Variants in ACADSB observed in about 807,000 individuals in gnomAD.
ACADSB encodes the protein short/branched chain specific acyl-CoA dehydrogenase, mitochondrial.
A neutral mutation model predicts 54.1 loss-of-function variants in ACADSB; 40 were observed. The observed-to-expected ratio is 0.74, with a 90% CI of 0.57 to 0.96. ACADSB has a LOEUF of 0.96. Ranked by LOEUF, ACADSB falls within the 40% of genes least tolerant of loss-of-function variation. The pLI, the probability that ACADSB is intolerant of heterozygous loss-of-function variation, is 0.00. For missense variants in ACADSB, 530 were observed against 510.4 expected (o/e 1.04, Z -0.37); for synonymous variants, 182 against 182.8 (o/e 1.00, Z 0.03).
chr10:123,041,756 G>C (rs899786173), intron 5 of ACADSB, among the ~76,000 whole-genome samples: 1 of 152,138 alleles, frequency 6.6e-6, no homozygotes, highest in Non-Finnish European at 1.5e-5. Context: ...AGATAATCTA[G>C]AGATGATTTA....
intron 1 of ACADSB, among the ~76,000 whole-genome samples, chr10:123,013,253 C>T (rs531300257): frequency 1.3e-5 from 2 of 152,302 alleles, no homozygotes; most frequent in East Asian, 3.9e-4. Context: ...CAAGTCACCA[C>T]CAGATTAGCT....
chr10:123,058,262 G>C lies in ACADSB; in HGVS notation c.*4497G>C, dbSNP rs1850732946. 1 of 152,024 alleles carries C rather than the reference G, an allele frequency of 6.6e-6. No individual in the cohort carries two copies. The highest frequency in any genetic ancestry group is 1.5e-5 in the Non-Finnish European group (1 of 67,994). 9.4% of individuals were successfully genotyped at this position (152,024 alleles called of 1,614,324 possible). ...ACAAAACCAATATTCTATGGAGAAT[G>C]AAAAAAATAAAGGACTAAATTAACT... is the stretch of plus-strand genomic sequence containing the variant. On this transcript the variant is annotated 3_prime_UTR_variant, in exon 11 of 11. Transcript: ENST00000358776.
chr10:123,032,877 C>T (rs1306404603), intron 1 of ACADSB, among the ~76,000 whole-genome samples: 1 of 152,188 alleles, frequency 6.6e-6, no homozygotes, highest in Non-Finnish European at 1.5e-5. Flanking sequence ...GCGTGAGCCA[C>T]CATGCCTGGC....
intron 1 of ACADSB, among the ~76,000 whole-genome samples, chr10:123,012,506 A>C (rs1274447675): frequency 1.3e-5 from 2 of 152,132 alleles, no homozygotes; most frequent in African/African-American, 4.8e-5. Flanking sequence ...TGAGTGCTAC[A>C]GTTCTTAAAG....
At position 123,053,110 on chromosome 10, in the gene ACADSB, G is replaced by A; in HGVS notation, c.1178G>A (p.Gly393Asp). 6.2e-7 allele frequency: 1 copy of A among 1,614,070 alleles called. No homozygotes were observed. The highest frequency in any genetic ancestry group is 8.5e-7 in the Non-Finnish European group (1 of 1,179,994). ...SKCIEWMGGV[G>D]YTKDYPVEKY... is the part of the protein sequence containing the mutation. ...TGTATCGAGTGGATGGGGGGAGTAG[G>A]CTACACCAAAGATTACCCTGTGGAG... is the stretch of plus-strand genomic sequence containing the variant. The change falls in exon 10 of 11, where the codon GGC becomes GAC. Residue 393 changes from glycine to aspartate, a missense_variant. Physicochemically the swap from Gly to Asp is moderately conservative, Grantham distance 94. Coordinates refer to ENST00000358776, the MANE Select transcript of ACADSB (RefSeq NM_001609.4).
chr10:123,011,393 T>C (rs1200687296), intron 1 of ACADSB, among the ~76,000 whole-genome samples: 1 of 152,222 alleles, frequency 6.6e-6, no homozygotes, highest in East Asian at 1.9e-4. Flanking sequence ...ACCCCTGCCT[T>C]CTCAGAAGGT....
At chr10:123,041,441 T>G (rs1850472231) in intron 5 of ACADSB, 62 bp downstream of exon 5, 1 of 1,549,418 alleles carries the variant, frequency 6.5e-7, no homozygotes, top group Non-Finnish European at 8.9e-7. Flanking sequence ...TTCTTTATCT[T>G]TTCCTCCTTC....
chr10:123,012,653 A>G (rs1019947591), intron 1 of ACADSB, among the ~76,000 whole-genome samples: 1 of 151,078 alleles, frequency 6.6e-6, no homozygotes, highest in African/African-American at 2.4e-5. Context: ...TTAAGGCGGC[A>G]CATCTGGAGT....
intron 8 of ACADSB, among the ~76,000 whole-genome samples, chr10:123,048,257 C>T (rs967642187): frequency 4.6e-5 from 7 of 152,064 alleles, no homozygotes; most frequent in Admixed American, 1.3e-4. Context: ...TGTAGAGATA[C>T]GAGGCTGTGG....
intron 7 of ACADSB, among the ~76,000 whole-genome samples, chr10:123,045,003 AT>A (rs940402331): frequency 3.3e-5 from 5 of 149,546 alleles, no homozygotes; most frequent in East Asian, 2.0e-4. Flanking sequence ...ACTATTCAAA[AT>A]TTTTTTTTAC....
At chr10:123,017,623 A>C (rs950316562) in intron 1 of ACADSB, among the ~76,000 whole-genome samples, 2 of 152,164 alleles carry the variant, frequency 1.3e-5, no homozygotes, top group African/African-American at 2.4e-5. Flanking sequence ...GGGTGGACAC[A>C]GTTTCTAATG....
chr10:123,025,581 C>A (rs1266057651), intron 1 of ACADSB, among the ~76,000 whole-genome samples: 1 of 152,116 alleles, frequency 6.6e-6, no homozygotes, highest in Non-Finnish European at 1.5e-5. Flanking sequence ...GTTGTAATTC[C>A]TGCCATCAAA....
chr10:123,050,972 A>G (rs1200112269), intron 8 of ACADSB, 77 bp from the exon 9 acceptor site: 1 of 1,510,328 alleles, frequency 6.6e-7, no homozygotes, highest in Non-Finnish European at 9.1e-7. Context: ...AGTGTTGTGT[A>G]TCTAGGCAGG....
At chr10:123,017,018 A>T (rs184778426) in intron 1 of ACADSB, among the ~76,000 whole-genome samples, 1 of 152,220 alleles carries the variant, frequency 6.6e-6, no homozygotes, top group Admixed American at 6.5e-5. Flanking sequence ...AGTGTTGAAT[A>T]TGCAACCCCT....
intron 1 of ACADSB, among the ~76,000 whole-genome samples, chr10:123,010,826 A>G (rs1564744491): frequency 6.6e-6 from 1 of 152,228 alleles, no homozygotes; most frequent in Admixed American, 6.5e-5. Context: ...TTTTAGAGGA[A>G]AGGTTAGAAC....
intron 4 of ACADSB, 28 bp from the exon 5 acceptor site, chr10:123,041,181 T>G: frequency 1.2e-6 from 2 of 1,611,608 alleles, no homozygotes; most frequent in Non-Finnish European, 1.7e-6. Context: ...CAGTTATTAA[T>G]TTGGACATTT....
chr10:123,011,397 A>C (rs532033723), intron 1 of ACADSB, among the ~76,000 whole-genome samples: 25 of 152,316 alleles, frequency 1.6e-4, no homozygotes, highest in Middle Eastern at 3.4e-3. Context: ...CTGCCTTCTC[A>C]GAAGGTCTCT....
intron 1 of ACADSB, among the ~76,000 whole-genome samples, chr10:123,012,068 C>A (rs1313731898): frequency 6.6e-6 from 1 of 151,486 alleles, no homozygotes; most frequent in African/African-American, 2.4e-5. Flanking sequence ...CCAGGCTGGT[C>A]TGGAACTCCT....
chr10:123,042,205 A>G (rs1850484464), intron 5 of ACADSB, among the ~76,000 whole-genome samples: 1 of 151,884 alleles, frequency 6.6e-6, no homozygotes, highest in Non-Finnish European at 1.5e-5. Context: ...ACGTCGGATG[A>G]TCTGCCTGCC....
Sources: allele counts gnomAD v4.1 joint callset (sites outside exome capture counted in the v4.1 genomes callset), GRCh38; gene constraint gnomAD v4.1.1; transcripts MANE v1.5; gene names NCBI Gene and HGNC (gene_info 2026-07-23, HGNC 2026-07-21).